Variants in CIT observed in about 807,000 individuals in gnomAD.
The protein encoded by CIT is citron rho-interacting serine/threonine kinase.
Under a neutral mutation model 272.7 loss-of-function variants are expected in CIT, and 79 were observed. The ratio of observed to expected loss-of-function variants is 0.29; its 90% confidence interval spans 0.24 to 0.35. The LOEUF (loss-of-function observed/expected upper bound fraction) is 0.35, where lower values mean the gene tolerates loss of function less well. CIT is among the 10% of genes least tolerant of loss of function. The pLI is 1.00. For synonymous variants in CIT, 948 were observed against 995.6 expected (o/e 0.95, Z 0.90); for missense variants, 1,909 against 2,618.3 (o/e 0.73, Z 5.91).
At position 119,869,096 on chromosome 12, in the gene CIT, T is replaced by G. The variant is rs201743463; in HGVS notation, c.202A>C (p.Met68Leu). 6.2e-7 allele frequency: 1 copy of G among 1,612,306 alleles called. No homozygotes were observed. Among genetic ancestry groups the G allele is most frequent in the Non-Finnish European group, 8.5e-7 (1 of 1,179,536 alleles). ...LFEECSQPAL[M>L]KIKHVSNFVR... ...AAGTTGCTCACGTGCTTAATCTTCA[T>G]CAGAGCAGGCTGACTGCATTCTTCA... Residue 68 changes from methionine (M) to leucine (L), a missense_variant, in exon 3 of 48, where the codon ATG becomes CTG. This residue lies in a region of CIT where 529 missense variants were observed against 549.6 expected (regional missense o/e 0.96). Coordinates refer to ENST00000392521, the MANE Select transcript of CIT (RefSeq NM_001206999.2).
At chr12:119,691,406 C>G (rs73412160) in intron 46 of CIT, among the ~76,000 whole-genome samples, 7,693 of 152,104 alleles carry the variant, frequency 0.051, 643 homozygotes, top group African/African-American at 0.18. Context: ...TCCTGGGCCT[C>G]GTGTTTGGTC....
At chr12:119,838,059 G>A (rs769971196) in intron 5 of CIT, among the ~76,000 whole-genome samples, 1 of 152,030 alleles carries the variant, frequency 6.6e-6, no homozygotes, top group Non-Finnish European at 1.5e-5. Context: ...CCGGTATAAT[G>A]AAAAAGAGTT....
chr12:119,718,617 A>G lies in CIT; in HGVS notation c.4003+82T>C. On this transcript the variant is annotated intron_variant, in intron 31 of 47. Coordinates refer to ENST00000392521, the MANE Select transcript of CIT (RefSeq NM_001206999.2). The surrounding 1 kb of genome is among the most constrained non-coding windows in gnomAD (Gnocchi z 4.8). ...GGGCCATAAACGAAGACACTGAGCTAGTTAGTCTTGGCTGATCTCACTGAG... is the reference window on the plus strand; with the variant it reads ...GGGCCATAAACGAAGACACTGAGCTGGTTAGTCTTGGCTGATCTCACTGAG... 6.4e-7 allele frequency: 1 copy of G among 1,559,188 alleles called. No individual in the cohort carries two copies. Among genetic ancestry groups the G allele is most frequent in the Non-Finnish European group, 8.8e-7 (1 of 1,139,274 alleles).
Position 119,713,871 on chromosome 12 carries a change from G to T in CIT, c.4307-223C>A. ...ACCCAGTTTTCCAGGCTTCAATCCA[G>T]ACCGCCCACAAACAGGTGTGTAAAG... On this transcript the variant is annotated intron_variant, in intron 33 of 47. Transcript: ENST00000392521. The surrounding 1 kb of genome is among the most constrained non-coding windows in gnomAD (Gnocchi z 5.2). 1 of 615,670 alleles carries T rather than the reference G, an allele frequency of 1.6e-6. No homozygotes were observed. The highest frequency in any genetic ancestry group is 2.9e-6 in the Non-Finnish European group (1 of 349,978). The allele number at this position is 615,670 out of a possible 1,614,324, so 38.1% of individuals were successfully genotyped here.
chr12:119,811,623 C>G (rs1220934304), intron 9 of CIT, among the ~76,000 whole-genome samples: 1 of 152,190 alleles, frequency 6.6e-6, no homozygotes, highest in East Asian at 1.9e-4. Flanking sequence ...TCTCGCCATA[C>G]CCAAAAGCCA....
Position 119,758,118 on chromosome 12 carries a change from GA to G in CIT, c.2531+472del, listed in dbSNP as rs911061595. Among the ~76,000 whole-genome samples the G allele has an allele frequency of 1.6e-3, 251 of 152,142 alleles. 1 individual carries two copies. The highest frequency in any genetic ancestry group is 5.8e-3 in the African/African-American group (239 of 41,528). ...TCTCTGAAGAGAGAAACCTAAGGGG[GA>G]AAAAAATCCTGGAGATTCTAATTCT... On this transcript the variant is annotated intron_variant, in intron 21 of 47. Transcript: ENST00000392521.
At chr12:119,776,870 G>GA in intron 13 of CIT, 28 bp from the exon 14 acceptor site, 1 of 1,609,460 alleles carries the variant, frequency 6.2e-7, no homozygotes, top group Non-Finnish European at 8.5e-7. Context: ...AAATAAAAGA[G>GA]AACTTTCGAA....
At chr12:119,709,773 A>C (rs1957059422) in intron 39 of CIT, among the ~76,000 whole-genome samples, 1 of 55,940 alleles carries the variant, frequency 1.8e-5, no homozygotes, top group Non-Finnish European at 3.6e-5. Context: ...AGAGAGAGAG[A>C]GAGAGAGAGA....
Position 119,841,445 on chromosome 12 carries a change from A to T in CIT, c.517-7217T>A, listed in dbSNP as rs114710081. ...TTGCCTCGGCCTCCCAAAGTGCTGA[A>T]ATTACATGTGTGAGCCACCGTGCCC... On this transcript the variant is annotated intron_variant, in intron 5 of 47. Transcript: ENST00000392521. Among the ~76,000 whole-genome samples the T allele has an allele frequency of 7.7e-3, 1,168 of 152,170 alleles. 13 individuals are homozygous for T. The highest frequency in any genetic ancestry group is 0.027 in the African/African-American group (1,141 of 41,528).
chr12:119,748,430 G>A (rs560981052), intron 23 of CIT, among the ~76,000 whole-genome samples: 15 of 152,340 alleles, frequency 9.8e-5, no homozygotes, highest in Admixed American at 5.2e-4. Context: ...GGAAACAAGC[G>A]TGTAGATGTC....
intron 40 of CIT, 37 bp downstream of exon 40, chr12:119,708,142 G>T: frequency 6.8e-7 from 1 of 1,468,962 alleles, no homozygotes; most frequent in Admixed American, 2.4e-5. Context: ...TCAATTTCCA[G>T]AACATTCCAC....
chr12:119,751,178 G>T (rs1278760787), intron 23 of CIT, among the ~76,000 whole-genome samples: 1 of 152,128 alleles, frequency 6.6e-6, no homozygotes. Flanking sequence ...ATCCTTCCAA[G>T]ATTAACGGGA....
At chr12:119,857,443 G>T (rs1391191201) in intron 4 of CIT, 80 bp downstream of exon 4, 4 of 1,415,194 alleles carry the variant, frequency 2.8e-6, no homozygotes, top group Non-Finnish European at 3.9e-6. Flanking sequence ...GATCCTAGAC[G>T]CCAGTGCAGC....
chr12:119,771,251 A>T (rs1421341294), intron 17 of CIT, among the ~76,000 whole-genome samples: 2 of 152,234 alleles, frequency 1.3e-5, no homozygotes, highest in Non-Finnish European at 2.9e-5. Flanking sequence ...GAGGAGGAAG[A>T]ACCATAAAGC....
intron 7 of CIT, among the ~76,000 whole-genome samples, chr12:119,832,117 C>CT (rs940061457): frequency 7.2e-5 from 11 of 152,108 alleles, no homozygotes; most frequent in Admixed American, 7.2e-4. Context: ...TAGACCTATC[C>CT]TTTTTTGCGG....
At chr12:119,775,491 C>A (rs1229231421) in intron 16 of CIT, among the ~76,000 whole-genome samples, 2 of 152,158 alleles carry the variant, frequency 1.3e-5, no homozygotes, top group Non-Finnish European at 2.9e-5. Flanking sequence ...AGGTGCCAGG[C>A]CCCCTGAGGC....
At chr12:119,810,114 C>G (rs1224318496) in intron 9 of CIT, among the ~76,000 whole-genome samples, 1 of 152,130 alleles carries the variant, frequency 6.6e-6, no homozygotes, top group Non-Finnish European at 1.5e-5. Context: ...TGCAGGAACC[C>G]CAATTTGAAG....
At chr12:119,802,095 G>A (rs1310301520) in intron 10 of CIT, among the ~76,000 whole-genome samples, 1 of 152,090 alleles carries the variant, frequency 6.6e-6, no homozygotes. Flanking sequence ...CCTATAAATC[G>A]ATATCTAAGC....
chr12:119,717,201 C>T (rs1957538608), intron 32 of CIT, among the ~76,000 whole-genome samples: 1 of 151,930 alleles, frequency 6.6e-6, no homozygotes, highest in Admixed American at 6.5e-5. Flanking sequence ...TACAGGCATG[C>T]ACCACCACAC....
Sources: gnomAD v4.1 joint callset for allele counts (sites outside exome capture counted in the v4.1 genomes callset) on GRCh38, gnomAD v4.1.1 for gene constraint, gnomAD v4.1.1 regional missense constraint, Gnocchi (gnomAD v3.1) non-coding constraint, MANE v1.5 for transcripts, NCBI Gene and HGNC (gene_info 2026-07-23, HGNC 2026-07-21) for gene names.